PDK1: variants seen among roughly 807,000 people sequenced by gnomAD.
PDK1 encodes the protein [Pyruvate dehydrogenase (acetyl-transferring)] kinase isozyme 1, mitochondrial.
In PDK1, 39 loss-of-function variants were observed where a neutral mutation model predicts 54.2. That is an observed-to-expected ratio of 0.72 (90% CI 0.56 to 0.94). The LOEUF (loss-of-function observed/expected upper bound fraction) is 0.94. Ranked by LOEUF, PDK1 falls within the 40% of genes least tolerant of loss-of-function variation. The pLI is 0.00. For missense variants in PDK1, 552 were observed against 566.0 expected, an observed-to-expected ratio of 0.98 and a Z score of 0.25; for synonymous variants, 221 against 207.1, an observed-to-expected ratio of 1.07 and a Z score of -0.58.
the PDK1 span, among the ~76,000 whole-genome samples, chr2:172,669,422 T>C: frequency 6.6e-6 from 1 of 152,300 alleles, no homozygotes; most frequent in South Asian, 2.1e-4. Context: ...TATACACTGA[T>C]TGTTGGATGC....
chr2:172,653,707 G>A, the PDK1 span, among the ~76,000 whole-genome samples: 2,165 of 152,152 alleles, frequency 0.014, 53 homozygotes, highest in African/African-American at 0.049. Context: ...TCAGGACATA[G>A]GCATGGGCAA....
intron 5 of PDK1, 29 bp from the exon 6 acceptor site, chr2:172,566,827 C>CT: frequency 6.8e-7 from 1 of 1,479,716 alleles, no homozygotes; most frequent in Non-Finnish European, 9.4e-7. Context: ...TTATTAAATC[C>CT]TTTTTTGTTT....
At chr2:172,694,553 T>A in the PDK1 span, among the ~76,000 whole-genome samples, 3 of 152,152 alleles carry the variant, frequency 2.0e-5, no homozygotes, top group African/African-American at 7.2e-5. Flanking sequence ...ATCTCAAGGA[T>A]GTGCTAGTTT....
At chr2:172,668,908 G>C in the PDK1 span, among the ~76,000 whole-genome samples, 328 of 24,546 alleles carry the variant, frequency 0.013, 6 homozygotes, top group East Asian at 0.13. Context: ...TATATATATA[G>C]AGAGAGAGAG....
chr2:172,670,358 T>A, the PDK1 span, among the ~76,000 whole-genome samples: 2 of 152,234 alleles, frequency 1.3e-5, no homozygotes, highest in Non-Finnish European at 2.9e-5. Context: ...ATATTGACAA[T>A]TATAATTTAA....
chr2:172,572,653 C>A (rs1045755824), intron 8 of PDK1, among the ~76,000 whole-genome samples: 4 of 152,042 alleles, frequency 2.6e-5, no homozygotes, highest in Admixed American at 6.6e-5. Context: ...TTGAACCCAG[C>A]AGCAGAGGGT....
chr2:172,576,616 A>G (rs1558941311), intron 8 of PDK1, among the ~76,000 whole-genome samples: 1 of 152,006 alleles, frequency 6.6e-6, no homozygotes, highest in Non-Finnish European at 1.5e-5. Flanking sequence ...TTTTACAACT[A>G]TAATTTTACT....
At chr2:172,629,057 G>A in the PDK1 span, among the ~76,000 whole-genome samples, 1 of 152,192 alleles carries the variant, frequency 6.6e-6, no homozygotes, top group Non-Finnish European at 1.5e-5. Context: ...GAGCCTTGAG[G>A]AGGTTGAGGC....
chr2:172,701,482 G>C, the PDK1 span, among the ~76,000 whole-genome samples: 1 of 152,192 alleles, frequency 6.6e-6, no homozygotes, highest in Non-Finnish European at 1.5e-5. Flanking sequence ...GTCAGAGTTA[G>C]AATCTGGGCA....
At chr2:172,585,893 C>T (rs551316717) in intron 8 of PDK1, among the ~76,000 whole-genome samples, 7 of 152,128 alleles carry the variant, frequency 4.6e-5, no homozygotes, top group South Asian at 2.1e-4. Flanking sequence ...AGGCTGGGTG[C>T]GGTGGCTCAT....
At chr2:172,560,431 G>A (rs1558924973) in intron 2 of PDK1, among the ~76,000 whole-genome samples, 3 of 152,232 alleles carry the variant, frequency 2.0e-5, no homozygotes, top group South Asian at 4.1e-4. Context: ...GCTTCACAAA[G>A]TGTTGGTATT....
chr2:172,647,134 T>C, the PDK1 span, among the ~76,000 whole-genome samples: 20 of 152,054 alleles, frequency 1.3e-4, no homozygotes, highest in Non-Finnish European at 2.8e-4. Flanking sequence ...CCATAGCCCA[T>C]GAAGGAGGAT....
At chr2:172,654,314 G>A in the PDK1 span, among the ~76,000 whole-genome samples, 12 of 152,282 alleles carry the variant, frequency 7.9e-5, no homozygotes, top group South Asian at 1.9e-3. Flanking sequence ...AAAGACACAT[G>A]CACACGTATG....
the PDK1 span, among the ~76,000 whole-genome samples, chr2:172,694,003 C>T: frequency 1.6e-4 from 24 of 152,342 alleles, no homozygotes; most frequent in Non-Finnish European, 2.4e-4. Context: ...CCTTTTGCTT[C>T]CTGTGTAGTC....
At chr2:172,560,786 C>T (rs914789255) in intron 2 of PDK1, among the ~76,000 whole-genome samples, 2 of 152,180 alleles carry the variant, frequency 1.3e-5, no homozygotes, top group African/African-American at 4.8e-5. Flanking sequence ...AGGGTATACA[C>T]TCATGGAGCC....
At chr2:172,622,857 ATG>A in the PDK1 span, among the ~76,000 whole-genome samples, 1 of 147,300 alleles carries the variant, frequency 6.8e-6, no homozygotes. Context: ...TATATATTAT[ATG>A]TAATATAATA....
chr2:172,646,655 A>T, the PDK1 span, among the ~76,000 whole-genome samples: 1 of 149,862 alleles, frequency 6.7e-6, no homozygotes, highest in Admixed American at 6.7e-5. Context: ...TTCCCTGAAG[A>T]GCTCATTAAA....
At chr2:172,715,366 G>A in the PDK1 span, among the ~76,000 whole-genome samples, 2 of 152,174 alleles carry the variant, frequency 1.3e-5, no homozygotes, top group African/African-American at 4.8e-5. Flanking sequence ...GGAAGTTGAG[G>A]CTCTGCAAAG....
At chr2:172,693,091 C>A in the PDK1 span, among the ~76,000 whole-genome samples, 1 of 152,362 alleles carries the variant, frequency 6.6e-6, no homozygotes, top group Non-Finnish European at 1.5e-5. Flanking sequence ...GGAGGACCAG[C>A]TCACCCCACA....
Sources: allele counts gnomAD v4.1 joint callset (sites outside exome capture counted in the v4.1 genomes callset), GRCh38; gene constraint gnomAD v4.1.1; transcripts MANE v1.5; gene names NCBI Gene and HGNC (gene_info 2026-07-23, HGNC 2026-07-21).